The following THSD7B variants were observed in gnomAD, a reference collection of about 807,000 sequenced individuals.
THSD7B encodes the protein thrombospondin type 1 domain containing 7B.
Under a neutral mutation model 213.6 loss-of-function variants are expected in THSD7B, and 138 were observed. The observed-to-expected ratio is 0.65, with a 90% CI of 0.56 to 0.74. THSD7B has a LOEUF of 0.74. THSD7B is among the 30% of genes least tolerant of loss of function. THSD7B has a pLI of 0.00. For missense variants in THSD7B, 1,931 were observed against 1,991.5 expected (o/e 0.97, Z 0.58); for synonymous variants, 742 against 687.0 (o/e 1.08, Z -1.25).
chr2:137,350,163 T>C (rs141233221), intron 12 of THSD7B, among the ~76,000 whole-genome samples: 81 of 151,972 alleles, frequency 5.3e-4, no homozygotes, highest in African/African-American at 1.9e-3. Context: ...TGAAGTTGTA[T>C]GTTAAATATT....
At chr2:137,074,380 C>G (rs1208192934) in intron 3 of THSD7B, among the ~76,000 whole-genome samples, 5 of 152,120 alleles carry the variant, frequency 3.3e-5, no homozygotes, top group Non-Finnish European at 7.4e-5. Context: ...GGTTTAAAGT[C>G]TGTTTTATCC....
chr2:137,334,038 T>G (rs1413910598), intron 12 of THSD7B, among the ~76,000 whole-genome samples: 3 of 152,232 alleles, frequency 2.0e-5, no homozygotes, highest in Admixed American at 2.0e-4. Context: ...CTATTTAGCA[T>G]GAAAACAACC....
intron 17 of THSD7B, among the ~76,000 whole-genome samples, chr2:137,614,440 T>C (rs892814276): frequency 6.6e-6 from 1 of 152,144 alleles, no homozygotes; most frequent in African/African-American, 2.4e-5. Flanking sequence ...AGCCTTTACA[T>C]GTATTCACTT....
chr2:137,395,739 T>A (rs1686164792), intron 12 of THSD7B, among the ~76,000 whole-genome samples: 1 of 152,078 alleles, frequency 6.6e-6, no homozygotes, highest in South Asian at 2.1e-4. Context: ...GAAGGAATGG[T>A]ACCAGTTCCT....
chr2:137,485,485 G>A (rs1688415030), intron 15 of THSD7B, among the ~76,000 whole-genome samples: 1 of 152,148 alleles, frequency 6.6e-6, no homozygotes. Flanking sequence ...TTTTGACTTA[G>A]GATTGACTTG....
chr2:137,037,108 A>G (rs62170969), intron 2 of THSD7B, among the ~76,000 whole-genome samples: 13,420 of 152,130 alleles, frequency 0.088, 615 homozygotes, highest in Middle Eastern at 0.11. Context: ...TTTTTGACTA[A>G]GTCCTTTTTT....
At position 137,182,775 on chromosome 2, in the gene THSD7B, G is replaced by A. The variant is rs150947649; in HGVS notation, c.1723+11837G>A. 3.6e-3 allele frequency among the ~76,000 whole-genome samples: 546 copies of A among 152,160 alleles called. 2 individuals are homozygous for A. Among genetic ancestry groups the A allele is most frequent in the African/African-American group, 0.012 (496 of 41,500 alleles). Reference sequence around the variant, plus strand: ...TCTTTCATATCATTTGAGTGTCATCGTGTATACTGTGTATCACTCCTAATT... The same window carrying A: ...TCTTTCATATCATTTGAGTGTCATCATGTATACTGTGTATCACTCCTAATT... On this transcript the variant is annotated intron_variant, in intron 7 of 27. Coordinates refer to ENST00000409968, the MANE Select transcript of THSD7B (RefSeq NM_001316349.2).
At chr2:137,230,876 C>T (rs1415260200) in intron 7 of THSD7B, among the ~76,000 whole-genome samples, 168 bp from the exon 8 acceptor site, 1 of 152,136 alleles carries the variant, frequency 6.6e-6, no homozygotes, top group Non-Finnish European at 1.5e-5. Flanking sequence ...GTAGTGTCTA[C>T]CTTTCTAAAT....
chr2:137,374,623 A>C (rs1685611767), intron 12 of THSD7B, among the ~76,000 whole-genome samples: 1 of 152,164 alleles, frequency 6.6e-6, no homozygotes, highest in Non-Finnish European at 1.5e-5. Context: ...TGCTGTGTGT[A>C]CTTAACATGT....
chr2:137,384,693 T>C (rs1213938086), intron 12 of THSD7B, among the ~76,000 whole-genome samples: 1 of 152,172 alleles, frequency 6.6e-6, no homozygotes, highest in Non-Finnish European at 1.5e-5. Flanking sequence ...AGTCGTGGCC[T>C]AGAGTGACTT....
chr2:137,487,796 C>T (rs1688499727), intron 15 of THSD7B, among the ~76,000 whole-genome samples: 1 of 7,664 alleles, frequency 1.3e-4, no homozygotes, highest in African/African-American at 2.7e-4. Flanking sequence ...CGGAGTCTCG[C>T]TCTGTCGCCC....
intron 27 of THSD7B, 110 bp downstream of exon 27, chr2:137,667,971 C>A: frequency 4.2e-6 from 3 of 716,356 alleles, no homozygotes; most frequent in African/African-American, 1.8e-5. Context: ...TTCTTGAGTC[C>A]AAAAATTAAC....
At chr2:136,771,578 C>T (rs1448888101) in intron 1 of THSD7B, among the ~76,000 whole-genome samples, 4 of 152,110 alleles carry the variant, frequency 2.6e-5, no homozygotes, top group African/African-American at 9.7e-5. Context: ...CCTGTGGTCC[C>T]AGTTATCCAA....
intron 2 of THSD7B, among the ~76,000 whole-genome samples, chr2:136,896,602 A>G (rs1397105073): frequency 1.3e-5 from 2 of 152,088 alleles, no homozygotes; most frequent in Admixed American, 1.3e-4. Flanking sequence ...TTGGTCTTTT[A>G]TCTAAGAAAT....
chr2:136,879,098 G>A (rs1431342929), intron 1 of THSD7B, among the ~76,000 whole-genome samples: 1 of 152,130 alleles, frequency 6.6e-6, no homozygotes, highest in Non-Finnish European at 1.5e-5. Context: ...TTTGTATAAG[G>A]TGTAAGGAAG....
At chr2:136,843,108 C>G (rs757221306) in intron 1 of THSD7B, among the ~76,000 whole-genome samples, 38 of 72,818 alleles carry the variant, frequency 5.2e-4, no homozygotes, top group Non-Finnish European at 7.0e-4. Context: ...TTTTTTTTTG[C>G]TTCCTTCCTT....
intron 12 of THSD7B, among the ~76,000 whole-genome samples, chr2:137,360,659 G>T (rs1238760477): frequency 6.6e-6 from 1 of 152,172 alleles, no homozygotes; most frequent in Non-Finnish European, 1.5e-5. Flanking sequence ...TAGGGGAGGG[G>T]CGTCTGCCAT....
Position 136,956,608 on chromosome 2 carries a change from A to AG in THSD7B, c.139+74291_139+74292insG, listed in dbSNP as rs1685129719. Reference sequence around the variant, plus strand: ...CAAAGTGAGACCCTGTCTCAAAAAAAAAAAAAAATTAGTAAATTGGTCTCT... The same window carrying AG: ...CAAAGTGAGACCCTGTCTCAAAAAAAGAAAAAAAATTAGTAAATTGGTCTCT... On this transcript the variant is annotated intron_variant, in intron 2 of 27. Coordinates refer to ENST00000409968, the MANE Select transcript of THSD7B (RefSeq NM_001316349.2). 2.6e-5 allele frequency among the ~76,000 whole-genome samples: 4 copies of AG among 151,740 alleles called. No individual in the cohort carries two copies. The South Asian group carries it at 8.3e-4, about 32-fold the overall frequency.
intron 2 of THSD7B, among the ~76,000 whole-genome samples, chr2:136,927,895 A>C (rs1468226921): frequency 6.6e-6 from 1 of 152,252 alleles, no homozygotes; most frequent in African/African-American, 2.4e-5. Context: ...TGATTGCCTT[A>C]TAAAGACACT....
Sources: gnomAD v4.1 joint callset for allele counts (sites outside exome capture counted in the v4.1 genomes callset) on GRCh38, gnomAD v4.1.1 for gene constraint, MANE v1.5 for transcripts, NCBI Gene and HGNC (gene_info 2026-07-23, HGNC 2026-07-21) for gene names.